GPR89A: variants seen among roughly 807,000 people sequenced by gnomAD.
GPR89A encodes golgi pH regulator A, also known as G protein-coupled receptor 89A.
In GPR89A, 16 loss-of-function variants were observed where a neutral mutation model predicts 52.0. The ratio of observed to expected loss-of-function variants is 0.31; its 90% CI spans 0.21 to 0.47. The LOEUF is 0.47. GPR89A is among the 20% of genes least tolerant of loss of function. The pLI is 1.00. For synonymous variants in GPR89A, 55 were observed against 150.9 expected (o/e 0.36, Z 4.66); for missense variants, 135 against 449.4 (o/e 0.30, Z 6.33).
intron 10 of GPR89A, among the ~76,000 whole-genome samples, chr1:145,658,716 A>G (rs1460732845): frequency 1.3e-5 from 2 of 151,234 alleles, no homozygotes; most frequent in Admixed American, 6.6e-5. Flanking sequence ...GTTGATGTAC[A>G]TTAGGATTGT....
At chr1:145,645,142 G>C (rs587617277) in intron 8 of GPR89A, 3 of 158,026 alleles carry the variant, frequency 1.9e-5, no homozygotes, top group Non-Finnish European at 4.2e-5. Context: ...TGAGTGCTAA[G>C]AAATAAAATG....
At chr1:145,632,903 A>G (rs1571494448) in intron 7 of GPR89A, among the ~76,000 whole-genome samples, 1 of 152,016 alleles carries the variant, frequency 6.6e-6, no homozygotes, top group Admixed American at 6.6e-5. Flanking sequence ...ATCCACACCA[A>G]TGTTCTTTAT....
In GPR89A at chr1:145,669,626, T is replaced by C; in HGVS notation, c.1097T>C (p.Phe366Ser). The C allele has an allele frequency of 6.2e-7, 1 of 1,611,214 alleles. No homozygotes were observed. The highest frequency in any genetic ancestry group is 8.5e-7 in the Non-Finnish European group (1 of 1,179,582). Reference sequence around the variant, plus strand: ...ATTCATCTCCCTCTTTCTTGACAGTTCTTTTATGCCATCTCTAGCAGTAAG... The same window carrying C: ...ATTCATCTCCCTCTTTCTTGACAGTCCTTTTATGCCATCTCTAGCAGTAAG... ...IRGLLITLTK[F>S]FYAISSSKSS... is the part of the protein sequence containing the mutation. Residue 366 changes from phenylalanine to serine, a missense_variant and splice_region_variant, in exon 13 of 14, where the codon TTC becomes TCC. Around this residue, in one of 10 missense-constraint regions of GPR89A, gnomAD observed 22 missense variants for 48.4 expected, o/e 0.45. Coordinates refer to ENST00000313835, the MANE Select transcript of GPR89A (RefSeq NM_001097612.2).
At chr1:145,633,776 G>A (rs1288005919) in intron 7 of GPR89A, among the ~76,000 whole-genome samples, 3 of 141,504 alleles carry the variant, frequency 2.1e-5, no homozygotes, top group African/African-American at 5.4e-5. Context: ...GAAAAATGAC[G>A]TTGGAATTTT....
chr1:145,658,519 C>A (rs1161318777), intron 10 of GPR89A, among the ~76,000 whole-genome samples: 1 of 150,062 alleles, frequency 6.7e-6, no homozygotes, highest in Non-Finnish European at 1.5e-5. Flanking sequence ...CCCAGCTACT[C>A]GGGAGGCTGA....
At chr1:145,652,883 T>C (rs1651548610) in intron 10 of GPR89A, among the ~76,000 whole-genome samples, 1 of 148,620 alleles carries the variant, frequency 6.7e-6, no homozygotes, top group Non-Finnish European at 1.5e-5. Flanking sequence ...TCTTCTTTAT[T>C]AGTCTAGTAG....
In GPR89A at chr1:145,632,296, A is replaced by G. The variant is rs1571493578; in HGVS notation, c.617+552A>G. Among the ~76,000 whole-genome samples, 3 of 152,132 alleles carry G rather than the reference A, an allele frequency of 2.0e-5. 1 individual carries two copies. The South Asian group carries it at 6.2e-4, about 32-fold the overall frequency. ...GTGATTTTGAAATGTGCAATACATT[A>G]TTATTTATTATATTCATCATGCTGT... On this transcript the variant is annotated intron_variant, in intron 7 of 13. Transcript: ENST00000313835.
At chr1:145,643,455 C>G (rs1406463692) in intron 7 of GPR89A, among the ~76,000 whole-genome samples, 6 of 152,216 alleles carry the variant, frequency 3.9e-5, no homozygotes, top group Admixed American at 1.3e-4. Flanking sequence ...AGTGAGCCAC[C>G]ACACCCAGCC....
At chr1:145,657,404 A>G (rs1240020388) in intron 10 of GPR89A, among the ~76,000 whole-genome samples, 213 of 149,030 alleles carry the variant, frequency 1.4e-3, no homozygotes, top group African/African-American at 5.2e-3. Context: ...AAAAAAAAAA[A>G]TTGATTCCAT....
intron 3 of GPR89A, among the ~76,000 whole-genome samples, chr1:145,619,159 G>A (rs1228927951): frequency 6.6e-6 from 1 of 152,024 alleles, no homozygotes; most frequent in Non-Finnish European, 1.5e-5. Flanking sequence ...CAGTGCCAAG[G>A]TAAGTTCATT....
chr1:145,623,217 T>G, intron 4 of GPR89A, 57 bp downstream of exon 4: 1 of 1,584,794 alleles, frequency 6.3e-7, no homozygotes, highest in Non-Finnish European at 8.6e-7. Flanking sequence ...TTGAGGGGAC[T>G]TAAATTGTGG....
intron 7 of GPR89A, among the ~76,000 whole-genome samples, chr1:145,639,875 G>A (rs1361132523): frequency 6.6e-6 from 1 of 151,890 alleles, no homozygotes; most frequent in Non-Finnish European, 1.5e-5. Flanking sequence ...GCAATTAGGC[G>A]TCCATAGGTT....
chr1:145,620,040 T>A (rs1304753845), intron 3 of GPR89A, among the ~76,000 whole-genome samples: 1 of 151,540 alleles, frequency 6.6e-6, no homozygotes, highest in Non-Finnish European at 1.5e-5. Context: ...TAAAAAATAA[T>A]CCAAACCTTT....
At chr1:145,620,298 A>C (rs587738372) in intron 3 of GPR89A, among the ~76,000 whole-genome samples, 27 of 152,300 alleles carry the variant, frequency 1.8e-4, no homozygotes, top group African/African-American at 6.3e-4. Flanking sequence ...ATATATAAAC[A>C]AACGAGCATG....
chr1:145,647,865 CTCTCTCTCTCTCTCTATA>C (rs1651145056), intron 10 of GPR89A, among the ~76,000 whole-genome samples: 21 of 85,110 alleles, frequency 2.5e-4, no homozygotes, highest in African/African-American at 9.5e-4. Context: ...CTCTCTCTCT[CTCTCTCTCTCTCTCTATA>C]TATATATATA....
At chr1:145,657,830 CTGT>C (rs1445809283) in intron 10 of GPR89A, among the ~76,000 whole-genome samples, 5 of 149,392 alleles carry the variant, frequency 3.3e-5, no homozygotes, top group African/African-American at 1.2e-4. Context: ...CCTGTAGAGA[CTGT>C]TATTTTTTTC....
intron 3 of GPR89A, among the ~76,000 whole-genome samples, chr1:145,620,331 T>G (rs1404706994): frequency 6.6e-6 from 1 of 152,184 alleles, no homozygotes; most frequent in Non-Finnish European, 1.5e-5. Flanking sequence ...TAAACTTAAT[T>G]TGTAAAAGCA....
Position 145,641,582 on chromosome 1 carries a change from G to A in GPR89A, c.618-2287G>A, listed in dbSNP as rs587693282. 7.0e-3 allele frequency among the ~76,000 whole-genome samples: 1,060 copies of A among 151,876 alleles called. 12 individuals carry two copies. The highest frequency in any genetic ancestry group is 0.024 in the African/African-American group (996 of 41,250). Reference sequence around the variant, plus strand: ...AAAGTTTAACTAAAAAAAAGTAATGGCTGACTTCCTACTAGAAACAACAGA... The same window carrying A: ...AAAGTTTAACTAAAAAAAAGTAATGACTGACTTCCTACTAGAAACAACAGA... On this transcript the variant is annotated intron_variant, in intron 7 of 13. Coordinates refer to ENST00000313835, the MANE Select transcript of GPR89A (RefSeq NM_001097612.2).
intron 1 of GPR89A, among the ~76,000 whole-genome samples, chr1:145,615,487 G>A (rs112543821): frequency 0.019 from 2,832 of 151,424 alleles, 40 homozygotes; most frequent in Non-Finnish European, 0.028. Flanking sequence ...GGGACTACAG[G>A]CACACCCCAC....
Sources: allele counts gnomAD v4.1 joint callset (sites outside exome capture counted in the v4.1 genomes callset), GRCh38; gene constraint gnomAD v4.1.1; regional missense constraint gnomAD v4.1.1; transcripts MANE v1.5; gene names NCBI Gene and HGNC (gene_info 2026-07-23, HGNC 2026-07-21).